The following TUB variants were observed in gnomAD, a reference collection of about 807,000 sequenced individuals.
TUB encodes the protein TUB bipartite transcription factor.
Under a neutral mutation model 59.7 loss-of-function variants are expected in TUB, and 33 were observed. The observed-to-expected ratio is 0.55, with a 90% CI of 0.42 to 0.74. TUB has a LOEUF of 0.74. Ranked by LOEUF, TUB falls within the 30% of genes least tolerant of loss-of-function variation. The pLI is 0.00. For synonymous variants in TUB, 293 were observed against 256.4 expected, an observed-to-expected ratio of 1.14 and a Z score of -1.36; for missense variants, 659 against 672.0, an observed-to-expected ratio of 0.98 and a Z score of 0.21.
upstream of TUB, among the ~76,000 whole-genome samples, chr11:8,080,821 C>G (rs1473414537): frequency 6.6e-6 from 1 of 152,170 alleles, no homozygotes; most frequent in East Asian, 1.9e-4. Flanking sequence ...ACGCTTCGGC[C>G]CGGAGGTTCC....
At position 8,095,603 on chromosome 11, in the gene TUB, C is replaced by A. The variant is rs776903038; in HGVS notation, c.503C>A (p.Thr168Lys). The part of the protein sequence containing the change: ...QSDHAQDAGE[T>K]AAGGGERPSG... ...GACCACGCCCAGGACGCAGGGGAGA[C>A]GGCAGCTGGTGGGGGCGAACGGCCC... The change falls in exon 5 of 12, where the codon ACG (threonine) becomes AAG (lysine). Residue 168 changes from threonine to lysine, a missense_variant. Coordinates refer to ENST00000299506, the MANE Select transcript of TUB (RefSeq NM_177972.3). 1 of 1,612,638 alleles carries A rather than the reference C, an allele frequency of 6.2e-7. No individual in the cohort carries two copies. Among genetic ancestry groups the A allele is most frequent in the East Asian group, 2.2e-5 (1 of 44,854 alleles).
chr11:8,101,309 CCT>C (rs199774646), intron 11 of TUB, among the ~76,000 whole-genome samples, 175 bp from the exon 12 acceptor site: 2,336 of 152,308 alleles, frequency 0.015, 64 homozygotes, highest in African/African-American at 0.053. Flanking sequence ...CCATCTGCCA[CCT>C]CTTTCCTGCC....
At chr11:8,047,003 G>A (rs867391618) in intron 2 of TUB, among the ~76,000 whole-genome samples, 3 of 152,188 alleles carry the variant, frequency 2.0e-5, no homozygotes, top group African/African-American at 2.4e-5. Flanking sequence ...CCTGGGCTAC[G>A]TGCAGCCTGC....
Position 8,104,613 on chromosome 11 carries a change from A to G in TUB, c.*2994A>G, listed in dbSNP as rs1944456551. The G allele has an allele frequency of 6.6e-6, 1 of 152,178 alleles. No individual in the cohort carries two copies. Among genetic ancestry groups the G allele is most frequent in the Non-Finnish European group, 1.5e-5 (1 of 68,000 alleles). 9.4% of individuals were successfully genotyped at this position (152,178 alleles called of 1,614,324 possible). A position where few individuals can be genotyped will look rare whatever the true frequency, so the allele number is the denominator to read the frequency against. On this transcript the variant is annotated 3_prime_UTR_variant, in exon 12 of 12. Coordinates refer to ENST00000299506, the MANE Select transcript of TUB (RefSeq NM_177972.3). ...TCTCTGAACAGAAGGTATACCTGGG[A>G]AGATACCAGCTTTTTCTCTCAGGGT...
At position 8,098,684 on chromosome 11, in the gene TUB, G is replaced by A. The variant is rs2133888864; in HGVS notation, c.999-74G>A. ...CAGAATGTTTTGCAGGCTCCTCATA[G>A]GACAGACGATGAGCTGTTCCCTGCT... On this transcript the variant is annotated intron_variant, in intron 8 of 11. Coordinates refer to ENST00000299506, the MANE Select transcript of TUB (RefSeq NM_177972.3). 8 of 1,163,282 alleles carry A rather than the reference G, an allele frequency of 6.9e-6. No individual in the cohort carries two copies. The African/African-American group carries it at 7.6e-5, about 11-fold the overall frequency. The allele number at this position is 1,163,282 out of a possible 1,614,324, so 72.1% of individuals were successfully genotyped here. A position where few individuals can be genotyped will look rare whatever the true frequency, so the allele number is the denominator to read the frequency against.
intron 1 of TUB, 118 bp downstream of exon 1, chr11:8,081,666 C>A: frequency 8.6e-7 from 1 of 1,165,770 alleles, no homozygotes; most frequent in Non-Finnish European, 1.1e-6. Flanking sequence ...AGCACTGGGG[C>A]GCGGGTTGGA....
chr11:8,057,623 AC>A (rs869301477), intron 2 of TUB, among the ~76,000 whole-genome samples: 2 of 93,226 alleles, frequency 2.1e-5, no homozygotes, highest in African/African-American at 6.0e-5. Flanking sequence ...AGGGGTAATT[AC>A]CCTCCTTATC....
At chr11:8,045,521 G>C (rs1942817763) in intron 2 of TUB, among the ~76,000 whole-genome samples, 1 of 152,168 alleles carries the variant, frequency 6.6e-6, no homozygotes, top group Non-Finnish European at 1.5e-5. Flanking sequence ...TAAGTTACAG[G>C]TTGAGTATCC....
At chr11:8,027,997 G>C (rs967841151) in intron 1 of TUB, among the ~76,000 whole-genome samples, 1 of 152,138 alleles carries the variant, frequency 6.6e-6, no homozygotes, top group African/African-American at 2.4e-5. Context: ...TCTATCTTTA[G>C]CTTTTTGAGA....
intron 1 of TUB, among the ~76,000 whole-genome samples, chr11:8,021,382 A>G (rs1769541566): frequency 6.6e-6 from 1 of 152,050 alleles, no homozygotes; most frequent in Non-Finnish European, 1.5e-5. Context: ...AGGCTGGAGG[A>G]TTGCTTGAGC....
rs1943741774 is a variant in TUB at position 8,090,055 on chromosome 11, CTG to C, written c.91-11_91-10del. ...GTGGAGGCAGTGGGTCAGCCAACCTCTGTGCCTCCATAGCGGGCCCTGCTGGA... is the reference window on the plus strand; with the variant it reads ...GTGGAGGCAGTGGGTCAGCCAACCTCTGCCTCCATAGCGGGCCCTGCTGGA... On this transcript the variant is annotated splice_polypyrimidine_tract_variant and intron_variant, in intron 2 of 11. Coordinates refer to ENST00000299506, the MANE Select transcript of TUB (RefSeq NM_177972.3). 8.2e-6 allele frequency: 13 copies of C among 1,586,808 alleles called. No individual in the cohort carries two copies. Among genetic ancestry groups the C allele is most frequent in the Non-Finnish European group, 1.1e-5 (13 of 1,166,582 alleles).
upstream of TUB, among the ~76,000 whole-genome samples, chr11:8,080,862 C>T (rs1457602042): frequency 6.6e-6 from 1 of 152,224 alleles, no homozygotes; most frequent in Admixed American, 6.5e-5. Context: ...TGGATTCCTT[C>T]TCCATCCGCG....
At chr11:8,039,783 C>A in intron 2 of TUB, 2 of 1,185,686 alleles carry the variant, frequency 1.7e-6, no homozygotes, top group Non-Finnish European at 2.2e-6. Flanking sequence ...GTGGGTGGCT[C>A]AGGGGCCATG....
intron 2 of TUB, among the ~76,000 whole-genome samples, chr11:8,064,993 G>T (rs1039177752): frequency 6.6e-6 from 1 of 152,244 alleles, no homozygotes; most frequent in Non-Finnish European, 1.5e-5. Context: ...AGTCCCAGGG[G>T]CCTCTCCATG....
intron 2 of TUB, among the ~76,000 whole-genome samples, chr11:8,061,661 C>T (rs1343513368): frequency 1.3e-5 from 2 of 152,082 alleles, no homozygotes; most frequent in Non-Finnish European, 2.9e-5. Context: ...ACTCATGTCC[C>T]TGCATACACT....
At chr11:8,085,997 A>G (rs994057777) in intron 1 of TUB, among the ~76,000 whole-genome samples, 3 of 152,108 alleles carry the variant, frequency 2.0e-5, no homozygotes, top group African/African-American at 7.2e-5. Context: ...GACTGAGCAG[A>G]TGGATTGGTG....
chr11:8,088,864 G>A (rs905948470), intron 1 of TUB, among the ~76,000 whole-genome samples: 2 of 152,314 alleles, frequency 1.3e-5, no homozygotes, highest in African/African-American at 4.8e-5. Context: ...AGAATTTGAT[G>A]TCCCCAGGGC....
At chr11:8,032,920 C>T (rs369247171) in intron 1 of TUB, among the ~76,000 whole-genome samples, 1 of 152,334 alleles carries the variant, frequency 6.6e-6, no homozygotes. Context: ...CCGATGAGCA[C>T]AGCTGCTCTG....
chr11:8,022,262 T>A (rs1942440139), intron 1 of TUB, among the ~76,000 whole-genome samples: 1 of 152,160 alleles, frequency 6.6e-6, no homozygotes, highest in Non-Finnish European at 1.5e-5. Flanking sequence ...TACACAATAC[T>A]CAATCAAGCT....
Sources: allele counts gnomAD v4.1 joint callset (sites outside exome capture counted in the v4.1 genomes callset), GRCh38; gene constraint gnomAD v4.1.1; transcripts MANE v1.5; gene names NCBI Gene and HGNC (gene_info 2026-07-23, HGNC 2026-07-21).